TASP1: variants seen among roughly 807,000 people sequenced by gnomAD.
TASP1 encodes threonine aspartase 1.
A neutral mutation model predicts 56.6 loss-of-function variants in TASP1; 16 were observed. The observed-to-expected ratio is 0.28, with a 90% CI of 0.19 to 0.43. The LOEUF (loss-of-function observed/expected upper bound fraction) is 0.43, where lower values mean the gene tolerates loss of function less well. TASP1 is among the 20% of genes least tolerant of loss of function. The pLI is 1.00. For missense variants in TASP1, 393 were observed against 511.6 expected, an observed-to-expected ratio of 0.77 and a Z score of 2.24; for synonymous variants, 179 against 184.2, an observed-to-expected ratio of 0.97 and a Z score of 0.23.
chr20:13,532,169 A>G (rs577411598), intron 9 of TASP1, among the ~76,000 whole-genome samples: 6 of 152,116 alleles, frequency 3.9e-5, no homozygotes, highest in Non-Finnish European at 8.8e-5. Flanking sequence ...TTGGCCTTCC[A>G]TGCTGGGATT....
At chr20:13,629,264 TGAG>T (rs1232559784) in intron 2 of TASP1, among the ~76,000 whole-genome samples, 1 of 149,904 alleles carries the variant, frequency 6.7e-6, no homozygotes, top group Non-Finnish European at 1.5e-5. Context: ...CTCAAGAGGC[TGAG>T]GCAGGTGAAT....
intron 4 of TASP1, among the ~76,000 whole-genome samples, chr20:13,609,240 T>C (rs970153984): frequency 1.3e-5 from 2 of 152,048 alleles, no homozygotes; most frequent in Non-Finnish European, 2.9e-5. Context: ...ACTACAAAGA[T>C]TTTACTTCAC....
At chr20:13,578,881 C>T (rs577370710) in intron 6 of TASP1, among the ~76,000 whole-genome samples, 4 of 152,302 alleles carry the variant, frequency 2.6e-5, no homozygotes, top group South Asian at 2.1e-4. Flanking sequence ...CCATTAAGTA[C>T]ATCCAACTCT....
At chr20:13,542,148 A>T (rs2045647519) in intron 8 of TASP1, among the ~76,000 whole-genome samples, 1 of 152,182 alleles carries the variant, frequency 6.6e-6, no homozygotes. Context: ...ATAAGCCTAA[A>T]GCATAAGTAT....
intron 10 of TASP1, among the ~76,000 whole-genome samples, chr20:13,512,869 C>T (rs1352218490): frequency 6.6e-6 from 1 of 152,164 alleles, no homozygotes; most frequent in Non-Finnish European, 1.5e-5. Flanking sequence ...ATCCTTTCCC[C>T]ATTGCTTGTT....
chr20:13,563,017 T>C (rs1467757497), intron 7 of TASP1, among the ~76,000 whole-genome samples: 2 of 141,366 alleles, frequency 1.4e-5, no homozygotes, highest in African/African-American at 2.6e-5. Context: ...TAGGTGTATA[T>C]ATACACACAC....
the TASP1 span, among the ~76,000 whole-genome samples, chr20:13,253,219 C>T: frequency 0.022 from 3,327 of 152,268 alleles, 120 homozygotes; most frequent in African/African-American, 0.076. Flanking sequence ...TTTTGATCTT[C>T]TCACCCTGCG....
At chr20:13,154,714 G>C in the TASP1 span, among the ~76,000 whole-genome samples, 2 of 152,182 alleles carry the variant, frequency 1.3e-5, no homozygotes, top group South Asian at 4.1e-4. Context: ...TGCCCTTACT[G>C]TGAACCTGTT....
chr20:13,441,169 C>G (rs1349624027), intron 11 of TASP1, among the ~76,000 whole-genome samples: 1 of 152,120 alleles, frequency 6.6e-6, no homozygotes. Flanking sequence ...CTGACAAGAC[C>G]CTCAATGTAT....
intron 11 of TASP1, among the ~76,000 whole-genome samples, chr20:13,478,408 A>G (rs1374610782): frequency 4.6e-5 from 7 of 152,046 alleles, no homozygotes; most frequent in Non-Finnish European, 1.5e-5. Context: ...GAATGAAATC[A>G]TGTCTTCTGA....
At chr20:13,168,132 A>T in the TASP1 span, 1 of 150,458 alleles carries the variant, frequency 6.6e-6, no homozygotes, top group Non-Finnish European at 1.5e-5. Flanking sequence ...ATCATTCCCT[A>T]TAAGATGCCC....
At chr20:13,486,313 A>G (rs1047231768) in intron 10 of TASP1, among the ~76,000 whole-genome samples, 6 of 152,184 alleles carry the variant, frequency 3.9e-5, no homozygotes, top group African/African-American at 1.4e-4. Flanking sequence ...CTCACATCTT[A>G]GCAGAAAACA....
the TASP1 span, chr20:13,299,623 CAGGGGA>C: frequency 1.4e-6 from 1 of 704,572 alleles, no homozygotes; most frequent in Non-Finnish European, 2.3e-6. The surrounding 1 kb of genome is among the most constrained non-coding windows in gnomAD (Gnocchi z 5.8). Context: ...GTGCCACGCC[CAGGGGA>C]CTGCCTTGTG....
At chr20:13,319,925 G>C in the TASP1 span, among the ~76,000 whole-genome samples, 1 of 152,326 alleles carries the variant, frequency 6.6e-6, no homozygotes, top group Non-Finnish European at 1.5e-5. Context: ...GGGAAACAGG[G>C]ACAGGGCAGC....
At chr20:13,550,588 A>G (rs1030928705) in intron 8 of TASP1, among the ~76,000 whole-genome samples, 37 of 152,104 alleles carry the variant, frequency 2.4e-4, no homozygotes, top group African/African-American at 8.2e-4. Flanking sequence ...AAGTCAAAGA[A>G]GTTTCCTACT....
At chr20:13,171,794 GA>G in the TASP1 span, among the ~76,000 whole-genome samples, 102 of 152,012 alleles carry the variant, frequency 6.7e-4, no homozygotes, top group Middle Eastern at 3.4e-3. Context: ...TAGCCAAGGA[GA>G]AAAAAATGAG....
At chr20:13,315,662 C>T in the TASP1 span, among the ~76,000 whole-genome samples, 1 of 151,964 alleles carries the variant, frequency 6.6e-6, no homozygotes, top group Non-Finnish European at 1.5e-5. Flanking sequence ...TAATGGACAT[C>T]TATAGCCTAC....
the TASP1 span, among the ~76,000 whole-genome samples, chr20:13,129,589 C>G: frequency 6.6e-6 from 1 of 152,232 alleles, no homozygotes; most frequent in Non-Finnish European, 1.5e-5. Flanking sequence ...TAGCTTGTGT[C>G]TCAACAAAAA....
chr20:13,550,246 T>C (rs139136775), intron 8 of TASP1, among the ~76,000 whole-genome samples: 93 of 151,576 alleles, frequency 6.1e-4, no homozygotes, highest in African/African-American at 2.2e-3. Flanking sequence ...ATATTGATGA[T>C]TGGCATAAAG....
Sources: gnomAD v4.1 joint callset for allele counts (sites outside exome capture counted in the v4.1 genomes callset) on GRCh38, gnomAD v4.1.1 for gene constraint, Gnocchi (gnomAD v3.1) non-coding constraint, MANE v1.5 for transcripts, NCBI Gene and HGNC (gene_info 2026-07-23, HGNC 2026-07-21) for gene names.